Variants in SHISAL2B observed in about 807,000 individuals in gnomAD.
SHISAL2B encodes protein shisa-like-2B.
SHISAL2B carries 12 observed loss-of-function variants against 16.5 expected under a neutral mutation model. The observed-to-expected ratio is 0.73, with a 90% confidence interval of 0.47 to 1.18. SHISAL2B has a LOEUF of 1.18. SHISAL2B is among the 50% of genes most tolerant of loss of function. SHISAL2B has a pLI of 0.00. For missense variants in SHISAL2B, 183 were observed against 193.6 expected (o/e 0.95, Z 0.33); for synonymous variants, 72 against 75.0 (o/e 0.96, Z 0.21).
intron 1 of SHISAL2B, chr5:64,691,156 C>A: frequency 3.6e-6 from 1 of 274,526 alleles, no homozygotes; most frequent in Non-Finnish European, 6.8e-6. Context: ...CGGGACCAGT[C>A]CCAGGCTGAT....
chr5:64,693,562 T>C (rs1275367892), intron 1 of SHISAL2B, among the ~76,000 whole-genome samples: 3 of 152,228 alleles, frequency 2.0e-5, no homozygotes, highest in South Asian at 2.1e-4. Flanking sequence ...AGGTTCTTGT[T>C]TGAAGAATCT....
chr5:64,717,317 A>G (rs1339967232), intron 2 of SHISAL2B, among the ~76,000 whole-genome samples: 1 of 152,178 alleles, frequency 6.6e-6, no homozygotes, highest in Admixed American at 6.5e-5. Flanking sequence ...CAATCATTCA[A>G]CTTTTCCTAA....
intron 2 of SHISAL2B, among the ~76,000 whole-genome samples, chr5:64,701,013 T>A (rs1418477983): frequency 6.6e-6 from 1 of 152,192 alleles, no homozygotes; most frequent in Non-Finnish European, 1.5e-5. Context: ...GCAGCCTGGT[T>A]CCTAACAGGC....
At chr5:64,695,377 T>C in intron 1 of SHISAL2B, 130 bp from the exon 2 acceptor site, 1 of 580,826 alleles carries the variant, frequency 1.7e-6, no homozygotes, top group East Asian at 3.1e-5. Flanking sequence ...ATCAGTTCCT[T>C]TTTATGCTAA....
chr5:64,707,709 G>A (rs149151858), intron 2 of SHISAL2B, among the ~76,000 whole-genome samples: 2 of 152,274 alleles, frequency 1.3e-5, no homozygotes, highest in East Asian at 3.9e-4. Flanking sequence ...TTACTCAATT[G>A]TTAAAAGCTG....
intron 1 of SHISAL2B, among the ~76,000 whole-genome samples, chr5:64,692,658 G>T (rs997818713): frequency 1.3e-5 from 2 of 152,192 alleles, no homozygotes; most frequent in African/African-American, 4.8e-5. Context: ...GCTATCACAA[G>T]GTAAGTGAAC....
intron 1 of SHISAL2B, among the ~76,000 whole-genome samples, chr5:64,694,462 C>T (rs1170206488): frequency 6.6e-6 from 1 of 152,098 alleles, no homozygotes; most frequent in Non-Finnish European, 1.5e-5. Flanking sequence ...AGCTCTTTTC[C>T]CATTTAGTGG....
chr5:64,695,081 A>G (rs1482260112), intron 1 of SHISAL2B, among the ~76,000 whole-genome samples: 2 of 152,128 alleles, frequency 1.3e-5, no homozygotes, highest in African/African-American at 4.8e-5. Context: ...CCTGGGCAAC[A>G]TGGTGAAACC....
chr5:64,699,458 A>G (rs557140382), intron 2 of SHISAL2B, among the ~76,000 whole-genome samples: 5 of 152,334 alleles, frequency 3.3e-5, no homozygotes, highest in Non-Finnish European at 7.4e-5. Flanking sequence ...TCTACTACCT[A>G]GCAATGGATG....
At chr5:64,704,431 A>G (rs1050065611) in intron 2 of SHISAL2B, among the ~76,000 whole-genome samples, 1 of 152,266 alleles carries the variant, frequency 6.6e-6, no homozygotes, top group African/African-American at 2.4e-5. Flanking sequence ...CAAAGCTTTA[A>G]TTTAATGCCA....
chr5:64,706,235 T>C (rs1385480082), intron 2 of SHISAL2B, among the ~76,000 whole-genome samples: 1 of 152,222 alleles, frequency 6.6e-6, no homozygotes, highest in Non-Finnish European at 1.5e-5. Flanking sequence ...TAGAAGTAGA[T>C]AAGAGACAAA....
chr5:64,692,428 T>C (rs555183626), intron 1 of SHISAL2B, among the ~76,000 whole-genome samples: 58 of 152,270 alleles, frequency 3.8e-4, no homozygotes, highest in African/African-American at 1.3e-3. Flanking sequence ...TCCCAGGAAA[T>C]AGAAAAATCA....
At chr5:64,702,278 G>A (rs902312026) in intron 2 of SHISAL2B, among the ~76,000 whole-genome samples, 116 of 151,888 alleles carry the variant, frequency 7.6e-4, no homozygotes, top group African/African-American at 2.6e-3. Flanking sequence ...TTGGTTCACC[G>A]CAACCTCCGC....
chr5:64,690,582 C>T lies in SHISAL2B; in HGVS notation c.-42C>T. ...GTGCTGGACGGGTGCGATCCGAGAG[C>T]AGACCGGGGCCCTCGCGAGCCTCTC... On this transcript the variant is annotated 5_prime_UTR_variant, in exon 1 of 3. Coordinates refer to ENST00000389074, the MANE Select transcript of SHISAL2B (RefSeq NM_001164442.2). The T allele has an allele frequency of 7.0e-7, 1 of 1,419,672 alleles. No homozygotes were observed. The highest frequency in any genetic ancestry group is 9.2e-7 in the Non-Finnish European group (1 of 1,082,708). The allele number at this position is 1,419,672 out of a possible 1,614,324, so 87.9% of individuals were successfully genotyped here. A position where few individuals can be genotyped will look rare whatever the true frequency, so the allele number is the denominator to read the frequency against.
At chr5:64,713,436 A>T (rs1580527665) in intron 2 of SHISAL2B, among the ~76,000 whole-genome samples, 2 of 100,404 alleles carry the variant, frequency 2.0e-5, no homozygotes, top group African/African-American at 6.7e-5. Flanking sequence ...CTTCCCTTTG[A>T]GGGTAACCCG....
In SHISAL2B at chr5:64,692,361, T is replaced by C. The variant is rs753178712; in HGVS notation, c.191+1547T>C. Among the ~76,000 whole-genome samples the C allele has an allele frequency of 3.2e-4, 48 of 151,984 alleles. 1 individual carries two copies. The highest frequency in any genetic ancestry group is 4.3e-4 in the Non-Finnish European group (29 of 67,972). On this transcript the variant is annotated intron_variant, in intron 1 of 2. Transcript: ENST00000389074. ...TAAGATGTATGAGGGCACAAAAGAG[T>C]GAACAGCTTGCTGGGGTCTTCATTC...
chr5:64,690,830 G>A lies in SHISAL2B; in HGVS notation c.191+16G>A, dbSNP rs1353481778. 1 of 1,484,556 alleles carries A rather than the reference G, an allele frequency of 6.7e-7. No homozygotes were observed. The highest frequency in any genetic ancestry group is 8.9e-7 in the Non-Finnish European group (1 of 1,118,378). 92.0% of individuals were successfully genotyped at this position (1,484,556 alleles called of 1,614,324 possible). A position where few individuals can be genotyped will look rare whatever the true frequency, so the allele number is the denominator to read the frequency against. On this transcript the variant is annotated intron_variant, in intron 1 of 2. Transcript: ENST00000389074. The stretch of plus-strand genomic sequence containing the variant: ...GGAGCCTCAGGTGGGCTGAGAGCCC[G>A]CGCGTGCGGCGGCTGGCCGAGCCCG...
At chr5:64,705,992 C>T (rs1036892009) in intron 2 of SHISAL2B, among the ~76,000 whole-genome samples, 5 of 152,220 alleles carry the variant, frequency 3.3e-5, no homozygotes, top group Middle Eastern at 6.8e-3. Context: ...AACTCCATCT[C>T]TACCAAAAAA....
chr5:64,706,188 C>G (rs1044184327), intron 2 of SHISAL2B, among the ~76,000 whole-genome samples: 1 of 152,160 alleles, frequency 6.6e-6, no homozygotes, highest in Non-Finnish European at 1.5e-5. Flanking sequence ...GTAAGATGTG[C>G]ATTGGTTTGG....
Sources: allele counts gnomAD v4.1 joint callset (sites outside exome capture counted in the v4.1 genomes callset), GRCh38; gene constraint gnomAD v4.1.1; transcripts MANE v1.5; gene names NCBI Gene and HGNC (gene_info 2026-07-23, HGNC 2026-07-21).